GPD1L: variants seen among roughly 807,000 people sequenced by gnomAD.
GPD1L encodes the protein glycerol-3-phosphate dehydrogenase 1-like protein.
GPD1L carries 17 observed loss-of-function variants against 32.9 expected under a neutral mutation model. That is an observed-to-expected ratio of 0.52 (90% confidence interval 0.35 to 0.78). The LOEUF (loss-of-function observed/expected upper bound fraction) is 0.78, where lower values mean the gene tolerates loss of function less well. Among genes scored for constraint, GPD1L ranks in the 30% least tolerant of loss-of-function variants. GPD1L has a pLI of 0.01. For synonymous variants in GPD1L, 187 were observed against 165.9 expected (o/e 1.13, Z -0.98); for missense variants, 361 against 447.8 (o/e 0.81, Z 1.75).
intron 1 of GPD1L, among the ~76,000 whole-genome samples, chr3:32,122,207 G>A (rs1575109553): frequency 1.1e-5 from 1 of 94,728 alleles, no homozygotes. Flanking sequence ...TGAAATTAAT[G>A]GGTGCTCAAT....
At chr3:32,138,564 T>G (rs932226827) in intron 2 of GPD1L, 23 bp from the exon 3 acceptor site, 6 of 1,613,194 alleles carry the variant, frequency 3.7e-6, no homozygotes, top group Middle Eastern at 1.7e-4. Context: ...GGAGAAACGG[T>G]CTTCTCTGCC....
At position 32,165,873 on chromosome 3, in the gene GPD1L, T is replaced by A; in HGVS notation, c.1019T>A (p.Met340Lys). Residue 340 changes from methionine to lysine, a missense_variant, in exon 8 of 8, where the codon ATG becomes AAG. Coordinates refer to ENST00000282541, the MANE Select transcript of GPD1L (RefSeq NM_015141.4). ...TACGAAAGCAGACCAGTTCAAGAGA[T>A]GTTGTCTTGTCTTCAGAGCCATCCA... ...ICYESRPVQE[M>K]LSCLQSHPEH... The A allele has an allele frequency of 6.2e-7, 1 of 1,606,678 alleles. No individual in the cohort carries two copies. The highest frequency in any genetic ancestry group is 1.1e-5 in the South Asian group (1 of 90,930).
At chr3:32,122,959 C>T (rs766943699) in intron 1 of GPD1L, among the ~76,000 whole-genome samples, 3 of 152,082 alleles carry the variant, frequency 2.0e-5, no homozygotes, top group Admixed American at 6.6e-5. Context: ...GGCTGGATTG[C>T]GGTGGTATGA....
intron 1 of GPD1L, among the ~76,000 whole-genome samples, chr3:32,123,707 CAGAT>C (rs112316528): frequency 8.6e-5 from 13 of 151,606 alleles, no homozygotes; most frequent in Admixed American, 1.3e-4. Context: ...GACAGACAGA[CAGAT>C]AGATAGATAG....
chr3:32,116,281 T>TAAA (rs772733275), intron 1 of GPD1L, among the ~76,000 whole-genome samples: 2 of 152,244 alleles, frequency 1.3e-5, no homozygotes, highest in Non-Finnish European at 2.9e-5. Flanking sequence ...TTATCACATA[T>TAAA]AATTAAGTGA....
chr3:32,130,124 C>T (rs1044013079), intron 2 of GPD1L, among the ~76,000 whole-genome samples: 1 of 151,990 alleles, frequency 6.6e-6, no homozygotes, highest in Non-Finnish European at 1.5e-5. Context: ...GAAGCTGGAG[C>T]CTGTGCTGCG....
At chr3:32,143,163 C>T (rs1700773149) in intron 4 of GPD1L, among the ~76,000 whole-genome samples, 1 of 151,694 alleles carries the variant, frequency 6.6e-6, no homozygotes, top group South Asian at 2.1e-4. Context: ...CGTCATTGCA[C>T]TCCTGCCTGG....
At position 32,167,376 on chromosome 3, in the gene GPD1L, G is replaced by A. The variant is rs1211949527; in HGVS notation, c.*1466G>A. 1 of 152,524 alleles carries A rather than the reference G, an allele frequency of 6.6e-6. No individual in the cohort carries two copies. Among genetic ancestry groups the A allele is most frequent in the Non-Finnish European group, 1.5e-5 (1 of 68,034 alleles). The allele number at this position is 152,524 out of a possible 1,614,324, so 9.4% of individuals were successfully genotyped here. A position where few individuals can be genotyped will look rare whatever the true frequency, so the allele number is the denominator to read the frequency against. On this transcript the variant is annotated 3_prime_UTR_variant, in exon 8 of 8. Coordinates refer to ENST00000282541, the MANE Select transcript of GPD1L (RefSeq NM_015141.4). ...TTCAGGGAACACTGTTCTAGGCTTA[G>A]GTGACCTTAGGATCACTCAAGTAGA... is the stretch of plus-strand genomic sequence containing the variant.
intron 3 of GPD1L, among the ~76,000 whole-genome samples, chr3:32,139,395 A>G (rs1026286658): frequency 1.1e-4 from 16 of 152,224 alleles, no homozygotes; most frequent in African/African-American, 3.6e-4. Context: ...TAGACCTGCC[A>G]TGATATCTTT....
intron 5 of GPD1L, among the ~76,000 whole-genome samples, chr3:32,152,285 T>C (rs1021480457): frequency 2.0e-5 from 3 of 152,204 alleles, no homozygotes; most frequent in South Asian, 2.1e-4. Flanking sequence ...AGAATGTATA[T>C]GACAATTCTA....
Position 32,126,273 on chromosome 3 carries a change from C to T in GPD1L, c.48-1803C>T, listed in dbSNP as rs774220637. 2.4e-4 allele frequency among the ~76,000 whole-genome samples: 37 copies of T among 152,174 alleles called. 1 individual carries two copies. The highest frequency in any genetic ancestry group is 5.1e-4 in the Non-Finnish European group (35 of 68,036). Reference sequence around the variant, plus strand: ...TGCAGCAGATACTACAGGTTTGCTTCTGGTTGCAAATGTTTGGCTTCCCCA... The same window carrying T: ...TGCAGCAGATACTACAGGTTTGCTTTTGGTTGCAAATGTTTGGCTTCCCCA... On this transcript the variant is annotated intron_variant, in intron 1 of 7. Coordinates refer to ENST00000282541, the MANE Select transcript of GPD1L (RefSeq NM_015141.4).
chr3:32,144,517 G>A (rs76954938), intron 4 of GPD1L, among the ~76,000 whole-genome samples: 23,979 of 152,052 alleles, frequency 0.16, 2,211 homozygotes, highest in African/African-American at 0.25. Context: ...TATTACATAG[G>A]TTAATTGCCT....
intron 1 of GPD1L, among the ~76,000 whole-genome samples, chr3:32,118,388 A>G (rs1006056388): frequency 5.3e-5 from 8 of 152,042 alleles, no homozygotes; most frequent in Non-Finnish European, 1.2e-4. Flanking sequence ...TCTCTTGGGG[A>G]TTGTGTTACA....
intron 1 of GPD1L, among the ~76,000 whole-genome samples, chr3:32,120,986 C>T (rs776812846): frequency 8.6e-5 from 13 of 151,928 alleles, no homozygotes; most frequent in Non-Finnish European, 1.8e-4. Context: ...CTCCTGCAGG[C>T]GGGTGTCCAT....
chr3:32,133,420 T>C (rs557312520), intron 2 of GPD1L, among the ~76,000 whole-genome samples: 1 of 152,190 alleles, frequency 6.6e-6, no homozygotes, highest in Non-Finnish European at 1.5e-5. Context: ...TTCATTTGAA[T>C]AACAGGAAAA....
Position 32,106,741 on chromosome 3 carries a change from C to T in GPD1L, c.30C>T (p.Ile10=), listed in dbSNP as rs1299750148. The T allele has an allele frequency of 6.4e-7, 1 of 1,559,536 alleles. No individual in the cohort carries two copies. The highest frequency in any genetic ancestry group is 8.7e-7 in the Non-Finnish European group (1 of 1,153,682). Residue 10 remains isoleucine (I), a synonymous_variant, in exon 1 of 8, where the codon ATC becomes ATT. Transcript: ENST00000282541. The surrounding 1 kb of genome is among the most constrained non-coding windows in gnomAD (Gnocchi z 4.0). ...CAGCGGCGCCCCTGAAAGTGTGCAT[C>T]GTGGGCTCGGGGAACTGGTGAGCGG... MAAAPLKVC[I]VGSGNWGSAV...
chr3:32,140,269 C>T lies in GPD1L; in HGVS notation c.408C>T (p.Asp136=), dbSNP rs9835387. The T allele has an allele frequency of 0.14, 220,801 of 1,613,640 alleles. 17,146 individuals carry two copies. The highest frequency in any genetic ancestry group is 0.3 in the African/African-American group (22,684 of 74,922). The change falls in exon 4 of 8, where the codon GAC becomes GAT. Residue 136 remains aspartate, a synonymous_variant. Coordinates refer to ENST00000282541, the MANE Select transcript of GPD1L (RefSeq NM_015141.4). ...CCGAGGGGCTGAAGCTCATTTCTGA[C>T]ATCATCCGTGAGAAGATGGGTATTG... The part of the protein sequence containing the change: ...EGPEGLKLIS[D]IIREKMGIDI...
At chr3:32,124,820 A>T (rs1700484032) in intron 1 of GPD1L, among the ~76,000 whole-genome samples, 1 of 152,016 alleles carries the variant, frequency 6.6e-6, no homozygotes, top group African/African-American at 2.4e-5. Context: ...CAGCTACTCG[A>T]GGGGCCAGGG....
chr3:32,153,733 G>T lies in GPD1L; in HGVS notation c.619-5143G>T, dbSNP rs550086202. ...CTTGGGTTTTGGGGAGGCAGTTCTTGCTGGGTGGTGAGAATGTTTATGTAA... is the reference window on the plus strand; with the variant it reads ...CTTGGGTTTTGGGGAGGCAGTTCTTTCTGGGTGGTGAGAATGTTTATGTAA... On this transcript the variant is annotated intron_variant, in intron 5 of 7. Transcript: ENST00000282541. Among the ~76,000 whole-genome samples the T allele has an allele frequency of 3.6e-4, 55 of 152,360 alleles. No homozygotes were observed. The South Asian group carries it at 0.011, about 30-fold the overall frequency.
Sources: gnomAD v4.1 joint callset for allele counts (sites outside exome capture counted in the v4.1 genomes callset) on GRCh38, gnomAD v4.1.1 for gene constraint, Gnocchi (gnomAD v3.1) non-coding constraint, MANE v1.5 for transcripts, NCBI Gene and HGNC (gene_info 2026-07-23, HGNC 2026-07-21) for gene names.